The following TAF3 variants were observed in gnomAD, a reference collection of about 807,000 sequenced individuals.
TAF3 encodes transcription initiation factor TFIID subunit 3.
In TAF3, 7 loss-of-function variants were observed where a neutral mutation model predicts 80.6. The observed-to-expected ratio is 0.09, with a 90% confidence interval of 0.05 to 0.16. TAF3 has a LOEUF of 0.16. TAF3 is among the 10% of genes least tolerant of loss of function. The pLI is 1.00. For missense variants in TAF3, 921 were observed against 1,140.2 expected (o/e 0.81, Z 2.77); for synonymous variants, 444 against 446.1 (o/e 1.00, Z 0.06).
chr10:7,923,546 T>A (rs2131191023), intron 2 of TAF3, among the ~76,000 whole-genome samples: 1 of 151,860 alleles, frequency 6.6e-6, no homozygotes, highest in Non-Finnish European at 1.5e-5. Context: ...TCTGGCTTTA[T>A]TTTAGTTTTG....
At chr10:7,947,086 T>G (rs3858258) in intron 2 of TAF3, among the ~76,000 whole-genome samples, 54,191 of 152,046 alleles carry the variant, frequency 0.36, 10,812 homozygotes, top group Admixed American at 0.48. Context: ...TTATACTTGC[T>G]TATACTTTCT....
chr10:7,957,792 G>GTGCTCT (rs1554785371), intron 2 of TAF3, among the ~76,000 whole-genome samples: 2 of 134,350 alleles, frequency 1.5e-5, no homozygotes, highest in South Asian at 2.5e-4. Context: ...TCTCTCTAGC[G>GTGCTCT]CGCTCTCTCT....
chr10:7,911,991 C>A (rs1284020100), intron 2 of TAF3, among the ~76,000 whole-genome samples: 1 of 152,164 alleles, frequency 6.6e-6, no homozygotes, highest in African/African-American at 2.4e-5. Context: ...GAGTCATATG[C>A]ACTTTCGGAT....
In TAF3 at chr10:7,856,623, A is replaced by G. The variant is rs927017621; in HGVS notation, c.409+32063A>G. Among the ~76,000 whole-genome samples, 10 of 152,366 alleles carry G rather than the reference A, an allele frequency of 6.6e-5. No individual in the cohort carries two copies. The South Asian group carries it at 1.7e-3, about 25-fold the overall frequency. On this transcript the variant is annotated intron_variant, in intron 2 of 6. Coordinates refer to ENST00000344293, the MANE Select transcript of TAF3 (RefSeq NM_031923.4). ...ACCATCCGTGTGACACTGAGGACCA[A>G]TAAAGCCAGATTGTTGCCTTGAATT...
chr10:7,984,721 T>C (rs1343816061), intron 4 of TAF3, among the ~76,000 whole-genome samples: 1 of 152,168 alleles, frequency 6.6e-6, no homozygotes, highest in Non-Finnish European at 1.5e-5. Context: ...ACTAATTGAG[T>C]GAATATAGGA....
chr10:7,983,286 A>G (rs1831744256), intron 4 of TAF3, among the ~76,000 whole-genome samples: 1 of 152,220 alleles, frequency 6.6e-6, no homozygotes, highest in African/African-American at 2.4e-5. Context: ...GGGAAGTGGT[A>G]GGTTCCAGAA....
At chr10:7,948,049 G>A (rs1468653393) in intron 2 of TAF3, among the ~76,000 whole-genome samples, 6 of 150,380 alleles carry the variant, frequency 4.0e-5, no homozygotes, top group African/African-American at 1.2e-4. Flanking sequence ...GTTAAATATA[G>A]TACTTTATGA....
At chr10:7,983,771 C>G (rs987876347) in intron 4 of TAF3, among the ~76,000 whole-genome samples, 4 of 152,162 alleles carry the variant, frequency 2.6e-5, no homozygotes, top group African/African-American at 9.6e-5. Context: ...CCTGGGAACT[C>G]AAGGCTACAG....
At chr10:7,888,915 C>T (rs1251964152) in intron 2 of TAF3, among the ~76,000 whole-genome samples, 1 of 152,140 alleles carries the variant, frequency 6.6e-6, no homozygotes, top group African/African-American at 2.4e-5. Flanking sequence ...TGCACACTTC[C>T]TCCGGTGTAT....
Position 8,014,855 on chromosome 10 carries a change from C to A in TAF3, c.*104C>A. 1.0e-6 allele frequency: 1 copy of A among 989,444 alleles called. No individual in the cohort carries two copies. Among genetic ancestry groups the A allele is most frequent in the Non-Finnish European group, 1.5e-6 (1 of 676,440 alleles). 61.3% of individuals were successfully genotyped at this position (989,444 alleles called of 1,614,324 possible). A position where few individuals can be genotyped will look rare whatever the true frequency, so the allele number is the denominator to read the frequency against. On this transcript the variant is annotated 3_prime_UTR_variant, in exon 7 of 7. Coordinates refer to ENST00000344293, the MANE Select transcript of TAF3 (RefSeq NM_031923.4). ...CTGCCGTCACATCCACCCCCAGATG[C>A]CTGTGGATAAAGAACCCAGGAGGAC... is the stretch of plus-strand genomic sequence containing the variant.
In TAF3 at chr10:7,847,583, A is replaced by G. The variant is rs570763054; in HGVS notation, c.409+23023A>G. Among the ~76,000 whole-genome samples the G allele has an allele frequency of 1.2e-4, 19 of 152,188 alleles. No individual in the cohort carries two copies. In the East Asian group the frequency reaches 2.9e-3, roughly 23 times the overall value. The stretch of plus-strand genomic sequence containing the variant: ...CTCAGCCTTCTGGGTAGCTGGAACT[A>G]CAGGCATGTGTTACCACATCCAGCT... On this transcript the variant is annotated intron_variant, in intron 2 of 6. Coordinates refer to ENST00000344293, the MANE Select transcript of TAF3 (RefSeq NM_031923.4).
intron 2 of TAF3, among the ~76,000 whole-genome samples, chr10:7,853,957 A>T (rs997914493): frequency 1.3e-5 from 2 of 152,214 alleles, no homozygotes; most frequent in African/African-American, 4.8e-5. Context: ...GGAATTTATA[A>T]TAAAGAGTGT....
Position 8,014,978 on chromosome 10 carries a change from C to T in TAF3, c.*227C>T, listed in dbSNP as rs1024846611. On this transcript the variant is annotated 3_prime_UTR_variant, in exon 7 of 7. Coordinates refer to ENST00000344293, the MANE Select transcript of TAF3 (RefSeq NM_031923.4). ...CGACAGAAGGAAACTCAAGCAGAGG[C>T]GTGGCCTGGGGGCTGCCCCTCCTCC... 1.5e-5 allele frequency: 6 copies of T among 406,286 alleles called. No homozygotes were observed. Among genetic ancestry groups the T allele is most frequent in the Non-Finnish European group, 2.7e-5 (6 of 221,672 alleles). The allele number at this position is 406,286 out of a possible 1,614,324, so 25.2% of individuals were successfully genotyped here.
chr10:7,941,632 G>A (rs189383028), intron 2 of TAF3, among the ~76,000 whole-genome samples: 3 of 152,358 alleles, frequency 2.0e-5, no homozygotes, highest in South Asian at 4.1e-4. Context: ...TTGCTGCGCC[G>A]ATGCCTTCGA....
intron 2 of TAF3, among the ~76,000 whole-genome samples, chr10:7,830,104 T>G (rs1836783343): frequency 6.6e-6 from 1 of 152,086 alleles, no homozygotes; most frequent in Non-Finnish European, 1.5e-5. Flanking sequence ...CGTGTGACCT[T>G]TTGCACTCCT....
chr10:7,912,892 T>G (rs1218562021), intron 2 of TAF3, among the ~76,000 whole-genome samples: 1 of 152,328 alleles, frequency 6.6e-6, no homozygotes, highest in Middle Eastern at 3.4e-3. Context: ...CTGTTAGGTT[T>G]TTTGTCGGTG....
intron 2 of TAF3, among the ~76,000 whole-genome samples, chr10:7,870,172 A>T (rs1406567994): frequency 2.6e-5 from 4 of 152,230 alleles, no homozygotes; most frequent in African/African-American, 4.8e-5. Flanking sequence ...ATAGAGGTTT[A>T]ACTTTGAACT....
intron 2 of TAF3, among the ~76,000 whole-genome samples, chr10:7,868,958 C>T (rs1837240544): frequency 6.6e-6 from 1 of 152,098 alleles, no homozygotes; most frequent in Admixed American, 6.5e-5. Context: ...AGAATTTATG[C>T]TTTTAATCAT....
intron 2 of TAF3, among the ~76,000 whole-genome samples, chr10:7,848,720 A>C (rs1836997285): frequency 6.6e-6 from 1 of 152,182 alleles, no homozygotes; most frequent in Non-Finnish European, 1.5e-5. Flanking sequence ...GGCAGCTAGA[A>C]TTGTCCTCAG....
Sources: allele counts gnomAD v4.1 joint callset (sites outside exome capture counted in the v4.1 genomes callset), GRCh38; gene constraint gnomAD v4.1.1; transcripts MANE v1.5; gene names NCBI Gene and HGNC (gene_info 2026-07-23, HGNC 2026-07-21).